The following INCENP variants were observed in gnomAD, a reference collection of about 807,000 sequenced individuals.
INCENP encodes the protein binds and activates aurora-B and -C in vivo and in vitro.
INCENP carries 43 observed loss-of-function variants against 107.3 expected under a neutral mutation model. The ratio of observed to expected loss-of-function variants is 0.40; its 90% CI spans 0.31 to 0.52. The LOEUF is 0.52. INCENP is among the 20% of genes least tolerant of loss of function. The pLI is 0.53. For synonymous variants in INCENP, 488 were observed against 494.4 expected (o/e 0.99, Z 0.17); for missense variants, 1,089 against 1,250.9 (o/e 0.87, Z 1.95).
Position 62,140,969 on chromosome 11 carries a change from G to C in INCENP, c.1518G>C (p.Met506Ile), listed in dbSNP as rs144797386. Residue 506 changes from methionine (M) to isoleucine (I), a missense_variant, in exon 10 of 19, where the codon ATG becomes ATC. Met to Ile is a conservative substitution (Grantham distance 10). Coordinates refer to ENST00000394818, the MANE Select transcript of INCENP (RefSeq NM_001040694.2). ...CAGTGCAGAGGAACCAGATGCTCATGACCCCGACCTCAGCCCCACGCAGCG... is the reference window on the plus strand; with the variant it reads ...CAGTGCAGAGGAACCAGATGCTCATCACCCCGACCTCAGCCCCACGCAGCG... Reference protein sequence around the residue: ...LHTVQRNQMLMTPTSAPRSVM... With the variant: ...LHTVQRNQMLITPTSAPRSVM... 3.7e-6 allele frequency: 6 copies of C among 1,614,104 alleles called. No individual in the cohort carries two copies. The highest frequency in any genetic ancestry group is 5.1e-6 in the Non-Finnish European group (6 of 1,180,036).
At chr11:62,143,332 C>T (rs61893681) in intron 11 of INCENP, among the ~76,000 whole-genome samples, 9,516 of 152,018 alleles carry the variant, frequency 0.063, 395 homozygotes, top group Admixed American at 0.14. Context: ...TTAGATACTC[C>T]CTTTCTGCTG....
In INCENP at chr11:62,128,198, G is replaced by A; in HGVS notation, c.37G>A (p.Glu13Lys). ...TTAPGPIHLL[E>K]LCDQKLMEFL... ...GGCCCCAGGGCCCATTCACCTGCTG[G>A]AGCTATGTGACCAGAAGCTCATGGA... is the stretch of plus-strand genomic sequence containing the variant. The change falls in exon 2 of 19, where the codon GAG (glutamate) becomes AAG (lysine). Residue 13 changes from glutamate (E) to lysine (K), a missense_variant. Physicochemically the swap from Glu to Lys is moderately conservative, Grantham distance 56. Transcript: ENST00000394818. 8.7e-6 allele frequency: 14 copies of A among 1,614,208 alleles called. No individual in the cohort carries two copies. The highest frequency in any genetic ancestry group is 1.1e-5 in the Non-Finnish European group (13 of 1,180,026).
chr11:62,130,428 C>CA lies in INCENP; in HGVS notation c.903dup (p.Ser302IlefsTer65). 1 of 1,613,946 alleles carries CA rather than the reference C, an allele frequency of 6.2e-7. No homozygotes were observed. The highest frequency in any genetic ancestry group is 8.5e-7 in the Non-Finnish European group (1 of 1,180,044). ...GCCCACGGGCTCTCGCACGGACTCT[C>CA]AATCGGTGCGGCACAGCCCGATCGC... is the stretch of plus-strand genomic sequence containing the variant. On this transcript the variant is annotated frameshift_variant, in exon 4 of 19. Coordinates refer to ENST00000394818, the MANE Select transcript of INCENP (RefSeq NM_001040694.2).
At chr11:62,142,117 G>A (rs1944138165) in intron 11 of INCENP, among the ~76,000 whole-genome samples, 2 of 152,306 alleles carry the variant, frequency 1.3e-5, no homozygotes, top group South Asian at 4.1e-4. Flanking sequence ...CCCTCAGATG[G>A]GGACATGCTT....
Position 62,127,061 on chromosome 11 carries a change from C to T in INCENP, c.-11-1090C>T, listed in dbSNP as rs1006757630. ...TTGTTTTGTTTTTTTTTTTTTGAGA[C>T]AGTCTCGCTGCGATGCCCAGGCTGG... On this transcript the variant is annotated intron_variant, in intron 1 of 18. Coordinates refer to ENST00000394818, the MANE Select transcript of INCENP (RefSeq NM_001040694.2). 2.1e-5 allele frequency among the ~76,000 whole-genome samples: 3 copies of T among 143,172 alleles called. No homozygotes were observed. The East Asian group carries it at 6.0e-4, about 28-fold the overall frequency. 93.9% of individuals were successfully genotyped at this position (143,172 alleles called of 152,430 possible). A position where few individuals can be genotyped will look rare whatever the true frequency, so the allele number is the denominator to read the frequency against.
chr11:62,148,965 C>T (rs538751041), intron 17 of INCENP, 119 bp downstream of exon 17: 10 of 531,776 alleles, frequency 1.9e-5, no homozygotes, highest in East Asian at 1.4e-4. Context: ...ATACACTTGG[C>T]CCAATTGTTT....
rs62000383 is a variant in INCENP, at chr11:62,146,674, G to A, written c.1976G>A (p.Arg659Gln). ...CTGTTTCAGGAGGAGGAAGAGCGGC[G>A]GCACCAAGAGCTGCTGCAGAAGAAG... ...RWLQQEEEER[R>Q]HQELLQKKKE... Residue 659 changes from arginine (R) to glutamine (Q), a missense_variant, in exon 15 of 19, where the codon CGG becomes CAG. Arg to Gln is a conservative substitution (Grantham distance 43, BLOSUM62 1). Transcript: ENST00000394818. 52 of 1,550,980 alleles carry A rather than the reference G, an allele frequency of 3.4e-5. No individual in the cohort carries two copies. The African/African-American group carries it at 4.4e-4, about 13-fold the overall frequency.
chr11:62,133,068 G>A (rs1643228691), intron 4 of INCENP, among the ~76,000 whole-genome samples: 1 of 152,286 alleles, frequency 6.6e-6, no homozygotes, highest in African/African-American at 2.4e-5. Flanking sequence ...CTGCAAGGGT[G>A]TCAGGGAGTG....
intron 4 of INCENP, among the ~76,000 whole-genome samples, chr11:62,133,516 G>T (rs964840776): frequency 3.3e-5 from 5 of 152,202 alleles, no homozygotes; most frequent in African/African-American, 1.2e-4. Context: ...ACCTTGGGGC[G>T]TTCGAGCCAC....
intron 15 of INCENP, among the ~76,000 whole-genome samples, chr11:62,148,253 C>T (rs1458780170): frequency 6.6e-6 from 1 of 152,208 alleles, no homozygotes; most frequent in African/African-American, 2.4e-5. Context: ...AAGTGGGGGC[C>T]AAATGTTGGG....
chr11:62,138,903 G>C lies in INCENP; in HGVS notation c.1189G>C (p.Gly397Arg), dbSNP rs568248240. 2 of 1,613,618 alleles carry C rather than the reference G, an allele frequency of 1.2e-6. No homozygotes were observed. Among genetic ancestry groups the C allele is most frequent in the South Asian group, 2.2e-5 (2 of 91,072 alleles). Residue 397 changes from glycine (G) to arginine (R), a missense_variant, in exon 7 of 19, where the codon GGA becomes CGA. Coordinates refer to ENST00000394818, the MANE Select transcript of INCENP (RefSeq NM_001040694.2). ...AAEPEVPENN[G>R]NNSWPHNDTE... ...CTTTCCACAGGTCCCTGAGAACAAT[G>C]GAAATAACTCGTGGCCCCACAATGA... is the stretch of plus-strand genomic sequence containing the variant.
intron 4 of INCENP, 72 bp downstream of exon 4, chr11:62,130,662 A>C: frequency 7.3e-7 from 1 of 1,362,368 alleles, no homozygotes; most frequent in Non-Finnish European, 1.0e-6. Flanking sequence ...CTGAGGGATC[A>C]TCTAGCAAGG....
chr11:62,131,097 G>C (rs1023864488), intron 4 of INCENP, among the ~76,000 whole-genome samples: 2 of 152,186 alleles, frequency 1.3e-5, no homozygotes, highest in African/African-American at 4.8e-5. Flanking sequence ...CTGGAGGAGG[G>C]AATTATGGCA....
At position 62,151,764 on chromosome 11, in the gene INCENP, A is replaced by G. The variant is rs1465309490; in HGVS notation, c.2545A>G (p.Thr849Ala). The part of the protein sequence containing the change: ...RKPIPTWARG[T>A]PLSQAIIHQY... ...GTCTGGTCTGTGGTCTCCTGCAGGC[A>G]CCCCGCTCAGCCAGGCTATCATTCA... Residue 849 changes from threonine (T) to alanine (A), a missense_variant and splice_region_variant, in exon 19 of 19, where the codon ACC becomes GCC. By Grantham distance (58) the Thr-to-Ala change is moderately conservative. Coordinates refer to ENST00000394818, the MANE Select transcript of INCENP (RefSeq NM_001040694.2). The G allele has an allele frequency of 5.6e-6, 9 of 1,613,638 alleles. No homozygotes were observed. The highest frequency in any genetic ancestry group is 7.6e-6 in the Non-Finnish European group (9 of 1,179,916).
chr11:62,139,854 A>G (rs1355818770), intron 7 of INCENP, among the ~76,000 whole-genome samples: 1 of 152,202 alleles, frequency 6.6e-6, no homozygotes, highest in Non-Finnish European at 1.5e-5. Flanking sequence ...CCGCCTCGAC[A>G]GGACCGTCCC....
chr11:62,135,378 T>C (rs936213824), intron 4 of INCENP, among the ~76,000 whole-genome samples: 2 of 152,070 alleles, frequency 1.3e-5, no homozygotes, highest in African/African-American at 4.8e-5. Flanking sequence ...GTGATTCTCT[T>C]GCCTCAGCCT....
intron 14 of INCENP, among the ~76,000 whole-genome samples, chr11:62,145,964 C>G (rs1340054404): frequency 6.6e-6 from 1 of 152,214 alleles, no homozygotes; most frequent in East Asian, 1.9e-4. Flanking sequence ...GGGTTAAGTG[C>G]TTGTACTTGG....
At chr11:62,147,184 G>T (rs923756143) in intron 15 of INCENP, among the ~76,000 whole-genome samples, 2 of 152,162 alleles carry the variant, frequency 1.3e-5, no homozygotes, top group African/African-American at 4.8e-5. Context: ...CTCAGAGGAT[G>T]AGCTGATATT....
In INCENP at chr11:62,141,034, T is replaced by C; in HGVS notation, c.1583T>C (p.Met528Thr). The C allele has an allele frequency of 6.2e-7, 1 of 1,613,566 alleles. No individual in the cohort carries two copies. The highest frequency in any genetic ancestry group is 8.5e-7 in the Non-Finnish European group (1 of 1,179,786). The change falls in exon 10 of 19, where the codon ATG (methionine) becomes ACG (threonine). Residue 528 changes from methionine (M) to threonine (T), a missense_variant. Physicochemically the swap from Met to Thr is moderately conservative, Grantham distance 81 (BLOSUM62 -1). Coordinates refer to ENST00000394818, the MANE Select transcript of INCENP (RefSeq NM_001040694.2). ...ATTAAGCGCAACACTCCCCTGCGCATGGACCCCAAGGTGAGGGGCCTGTGC... is the reference window on the plus strand; with the variant it reads ...ATTAAGCGCAACACTCCCCTGCGCACGGACCCCAAGGTGAGGGGCCTGTGC... ...SFIKRNTPLR[M>T]DPKCSFVEKE...
Sources: gnomAD v4.1 joint callset for allele counts (sites outside exome capture counted in the v4.1 genomes callset) on GRCh38, gnomAD v4.1.1 for gene constraint, MANE v1.5 for transcripts, NCBI Gene and HGNC (gene_info 2026-07-23, HGNC 2026-07-21) for gene names.